The following CRMP1 variants were observed in gnomAD, a reference collection of about 807,000 sequenced individuals.
CRMP1 encodes the protein dihydropyrimidinase-related protein 1.
A neutral mutation model predicts 68.3 loss-of-function variants in CRMP1; 19 were observed. The observed-to-expected ratio is 0.28, with a 90% CI of 0.19 to 0.41. The LOEUF (loss-of-function observed/expected upper bound fraction) is 0.41, where lower values mean the gene tolerates loss of function less well. CRMP1 is among the 10% of genes least tolerant of loss of function. The pLI is 1.00. For synonymous variants in CRMP1, 439 were observed against 399.6 expected (o/e 1.10, Z -1.18); for missense variants, 791 against 967.4 (o/e 0.82, Z 2.42).
chr4:5,889,897 C>G lies in CRMP1; in HGVS notation c.381+2692G>C. 1 of 1,410,506 alleles carries G rather than the reference C, an allele frequency of 7.1e-7. No homozygotes were observed. Among genetic ancestry groups the G allele is most frequent in the Non-Finnish European group, 9.2e-7 (1 of 1,084,058 alleles). 87.4% of individuals were successfully genotyped at this position (1,410,506 alleles called of 1,614,324 possible). A position where few individuals can be genotyped will look rare whatever the true frequency, so the allele number is the denominator to read the frequency against. ...TCACAGAGAAGCCAGCTCAGTATCC[C>G]AGGAACACTAGGCATAATTTTCCCA... On this transcript the variant is annotated intron_variant, in intron 1 of 13. Transcript: ENST00000324989. This position sits in a 1 kb window ranked among gnomAD's most constrained non-coding sequence, Gnocchi z 4.5.
intron 6 of CRMP1, among the ~76,000 whole-genome samples, chr4:5,848,318 A>C (rs1712374015): frequency 6.6e-6 from 1 of 152,096 alleles, no homozygotes; most frequent in African/African-American, 2.4e-5. Context: ...TCCCACCTGT[A>C]ATAGCTGGGA....
In CRMP1 at chr4:5,858,837, T is replaced by C. The variant is rs1242246545; in HGVS notation, c.655+2189A>G. Reference sequence around the variant, plus strand: ...TGTCATCCCTCAATCTCGACACCCCTGCACCGTGGGCCTCCCTGCAGTCTC... The same window carrying C: ...TGTCATCCCTCAATCTCGACACCCCCGCACCGTGGGCCTCCCTGCAGTCTC... On this transcript the variant is annotated intron_variant, in intron 3 of 13. Coordinates refer to ENST00000324989, the MANE Select transcript of CRMP1 (RefSeq NM_001014809.3). The surrounding 1 kb of genome is among the most constrained non-coding windows in gnomAD (Gnocchi z 5.5). 6.6e-6 allele frequency among the ~76,000 whole-genome samples: 1 copy of C among 152,154 alleles called. No homozygotes were observed. The highest frequency in any genetic ancestry group is 2.4e-5 in the African/African-American group (1 of 41,440).
intron 1 of CRMP1, among the ~76,000 whole-genome samples, chr4:5,868,261 C>CTATATATATATATATATATATATATA (rs60816757): frequency 1.8e-5 from 2 of 111,472 alleles, no homozygotes; most frequent in African/African-American, 3.4e-5. Context: ...GACTATATAT[C>CTATATATATATATATATATATATATA]TATATATATA....
At chr4:5,856,857 C>CCCA (rs141019535) in intron 3 of CRMP1, among the ~76,000 whole-genome samples, 78,822 of 129,324 alleles carry the variant, frequency 0.61, 23,682 homozygotes, top group East Asian at 0.81. Context: ...TCATTGTCAC[C>CCCA]CCACCATCAT....
rs915837848 is a variant in CRMP1, at chr4:5,888,728, G to C, written c.381+3861C>G. ...CGCGATCCAGAGAGTATGGTTTTCA[G>C]GGCTCCTTTAAAAGAAAAAGACGGC... On this transcript the variant is annotated intron_variant, in intron 1 of 13. Coordinates refer to ENST00000324989, the MANE Select transcript of CRMP1 (RefSeq NM_001014809.3). This position sits in a 1 kb window ranked among gnomAD's most constrained non-coding sequence, Gnocchi z 6.4. 27 of 711,214 alleles carry C rather than the reference G, an allele frequency of 3.8e-5. No homozygotes were observed. Among genetic ancestry groups the C allele is most frequent in the Admixed American group, 1.9e-4 (3 of 15,760 alleles). The allele number at this position is 711,214 out of a possible 1,614,324, so 44.1% of individuals were successfully genotyped here.
Position 5,861,753 on chromosome 4 carries a change from G to A in CRMP1, c.471-543C>T, listed in dbSNP as rs1713576619. ...CAGGAGGTCCCTCAAGGCGCTGGGG[G>A]AAGAGGCTCAGCCAGAACCAGGAAA... On this transcript the variant is annotated intron_variant, in intron 2 of 13. Coordinates refer to ENST00000324989, the MANE Select transcript of CRMP1 (RefSeq NM_001014809.3). This position sits in a 1 kb window ranked among gnomAD's most constrained non-coding sequence, Gnocchi z 6.0. Among the ~76,000 whole-genome samples the A allele has an allele frequency of 6.6e-6, 1 of 152,150 alleles. No homozygotes were observed. The highest frequency in any genetic ancestry group is 2.1e-4 in the South Asian group (1 of 4,830).
At position 5,858,762 on chromosome 4, in the gene CRMP1, G is replaced by T. The variant is rs1311626976; in HGVS notation, c.655+2264C>A. ...ATGAGAAAGAGCCACAGCCTCATCA[G>T]GCCATCGAGGCCCAGGGTTGTCCTC... On this transcript the variant is annotated intron_variant, in intron 3 of 13. Transcript: ENST00000324989. This position sits in a 1 kb window ranked among gnomAD's most constrained non-coding sequence, Gnocchi z 5.5. 6.6e-6 allele frequency among the ~76,000 whole-genome samples: 1 copy of T among 152,112 alleles called. No individual in the cohort carries two copies. Among genetic ancestry groups the T allele is most frequent in the Non-Finnish European group, 1.5e-5 (1 of 68,018 alleles).
rs955135218 is a variant in CRMP1 at position 5,865,669 on chromosome 4, G to A, written c.470+999C>T. Among the ~76,000 whole-genome samples the A allele has an allele frequency of 2.0e-5, 3 of 151,516 alleles. No homozygotes were observed. Among genetic ancestry groups the A allele is most frequent in the Admixed American group, 6.6e-5 (1 of 15,220 alleles). On this transcript the variant is annotated intron_variant, in intron 2 of 13. Transcript: ENST00000324989. This position sits in a 1 kb window ranked among gnomAD's most constrained non-coding sequence, Gnocchi z 4.1. Reference sequence around the variant, plus strand: ...CGCCGCCTACAGACCCCTGCCTGGCGTTATGGACTGAATTGTATCTCCCAA... The same window carrying A: ...CGCCGCCTACAGACCCCTGCCTGGCATTATGGACTGAATTGTATCTCCCAA...
At position 5,825,286 on chromosome 4, in the gene CRMP1, GC is replaced by G; in HGVS notation, c.1969+207del. On this transcript the variant is annotated intron_variant, in intron 13 of 13. Transcript: ENST00000324989. This position sits in a 1 kb window ranked among gnomAD's most constrained non-coding sequence, Gnocchi z 4.4. ...AACCCACATCAGGTACCACCATGTT[GC>G]CCCCCTAACATGGACCCCCCTCTGC... The G allele has an allele frequency of 1.0e-6, 1 of 985,172 alleles. No homozygotes were observed. Among genetic ancestry groups the G allele is most frequent in the Non-Finnish European group, 1.2e-6 (1 of 829,896 alleles). 61.0% of individuals were successfully genotyped at this position (985,172 alleles called of 1,614,324 possible). A position where few individuals can be genotyped will look rare whatever the true frequency, so the allele number is the denominator to read the frequency against.
chr4:5,849,697 G>C (rs1712479864), intron 5 of CRMP1, among the ~76,000 whole-genome samples: 1 of 152,102 alleles, frequency 6.6e-6, no homozygotes, highest in South Asian at 2.1e-4. Context: ...GCTGAGGATG[G>C]GGCACAACTG....
intron 11 of CRMP1, among the ~76,000 whole-genome samples, chr4:5,831,614 G>C (rs1720387017): frequency 6.6e-6 from 1 of 152,202 alleles, no homozygotes; most frequent in Non-Finnish European, 1.5e-5. Context: ...TCTCCCAGCT[G>C]AAACTGGCCA....
rs182169006 is a variant in CRMP1, at chr4:5,861,764, G to C, written c.471-554C>G. 5.6e-3 allele frequency among the ~76,000 whole-genome samples: 856 copies of C among 152,284 alleles called. 5 individuals carry two copies. Among genetic ancestry groups the C allele is most frequent in the Middle Eastern group, 0.044 (13 of 294 alleles). ...TCAAGGCGCTGGGGGAAGAGGCTCA[G>C]CCAGAACCAGGAAAGGAACCCTGCA... On this transcript the variant is annotated intron_variant, in intron 2 of 13. Coordinates refer to ENST00000324989, the MANE Select transcript of CRMP1 (RefSeq NM_001014809.3). This position sits in a 1 kb window ranked among gnomAD's most constrained non-coding sequence, Gnocchi z 6.0.
At chr4:5,886,706 G>T (rs545503242) in intron 1 of CRMP1, among the ~76,000 whole-genome samples, 1 of 152,316 alleles carries the variant, frequency 6.6e-6, no homozygotes, top group South Asian at 2.1e-4. Flanking sequence ...GCATCACCCC[G>T]ACCCCATCAC....
In CRMP1 at chr4:5,838,363, G is replaced by A. The variant is rs1720867952; in HGVS notation, c.1310+1159C>T. 6.6e-6 allele frequency among the ~76,000 whole-genome samples: 1 copy of A among 152,074 alleles called. No homozygotes were observed. The highest frequency in any genetic ancestry group is 1.5e-5 in the Non-Finnish European group (1 of 68,022). The stretch of plus-strand genomic sequence containing the variant: ...TGTTGCAGGGACTTGGGTTTCACTG[G>A]CAGAGGACTTACTGGTTCCAAGCAG... On this transcript the variant is annotated intron_variant, in intron 9 of 13. Transcript: ENST00000324989. The surrounding 1 kb of genome is among the most constrained non-coding windows in gnomAD (Gnocchi z 4.9).
In CRMP1 at chr4:5,888,676, G is replaced by A; in HGVS notation, c.381+3913C>T. ...CCGCCGACCCCCGCCCTGCGCACAC[G>A]CCCTTGGCGGGCCCTGGCCTCGCTC... On this transcript the variant is annotated intron_variant, in intron 1 of 13. Transcript: ENST00000324989. This position sits in a 1 kb window ranked among gnomAD's most constrained non-coding sequence, Gnocchi z 6.4. 1 of 895,678 alleles carries A rather than the reference G, an allele frequency of 1.1e-6. No homozygotes were observed. Among genetic ancestry groups the A allele is most frequent in the Non-Finnish European group, 1.3e-6 (1 of 778,274 alleles). The allele number at this position is 895,678 out of a possible 1,614,324, so 55.5% of individuals were successfully genotyped here. A position where few individuals can be genotyped will look rare whatever the true frequency, so the allele number is the denominator to read the frequency against.
Position 5,866,158 on chromosome 4 carries a change from A to G in CRMP1, c.470+510T>C, listed in dbSNP as rs1713983532. 6.6e-6 allele frequency among the ~76,000 whole-genome samples: 1 copy of G among 152,214 alleles called. No individual in the cohort carries two copies. The highest frequency in any genetic ancestry group is 6.5e-5 in the Admixed American group (1 of 15,280). On this transcript the variant is annotated intron_variant, in intron 2 of 13. Transcript: ENST00000324989. The surrounding 1 kb of genome is among the most constrained non-coding windows in gnomAD (Gnocchi z 5.9). ...ATGAGAAGAAAGGGAAGGAAACTCC[A>G]GCCCCAATGTCTATCTTTTCTTTAA...
intron 3 of CRMP1, 121 bp from the exon 4 acceptor site, chr4:5,856,428 T>TCACC: frequency 1.1e-6 from 1 of 885,124 alleles, no homozygotes; most frequent in South Asian, 1.7e-5. Context: ...ATCATCACCA[T>TCACC]AATTATCACA....
chr4:5,879,872 CGAAAG>C lies in CRMP1; in HGVS notation c.381+12712_381+12716del, dbSNP rs377713877. On this transcript the variant is annotated intron_variant, in intron 1 of 13. Coordinates refer to ENST00000324989, the MANE Select transcript of CRMP1 (RefSeq NM_001014809.3). This position sits in a 1 kb window ranked among gnomAD's most constrained non-coding sequence, Gnocchi z 4.2. ...AAATATAGCAAAAAAAAAAATGAGACGAAAGGAAAGGAAAATGAAAGAAAGTAAAG... is the reference window on the plus strand; with the variant it reads ...AAATATAGCAAAAAAAAAAATGAGACGAAAGGAAAATGAAAGAAAGTAAAG... Among the ~76,000 whole-genome samples, 490 of 150,290 alleles carry C rather than the reference CGAAAG, an allele frequency of 3.3e-3. 1 individual carries two copies. The highest frequency in any genetic ancestry group is 0.011 in the African/African-American group (457 of 40,828).
At position 5,834,194 on chromosome 4, in the gene CRMP1, C is replaced by T. The variant is rs1560489368; in HGVS notation, c.1623+1721G>A. 6.6e-6 allele frequency among the ~76,000 whole-genome samples: 1 copy of T among 152,220 alleles called. No homozygotes were observed. On this transcript the variant is annotated intron_variant, in intron 11 of 13. Transcript: ENST00000324989. This position sits in a 1 kb window ranked among gnomAD's most constrained non-coding sequence, Gnocchi z 4.3. The stretch of plus-strand genomic sequence containing the variant: ...GTGAAGCAAGGGGCAGCTCCCACAG[C>T]CAGATGGCGGTAGGAGTGCACACCC...
Sources: allele counts gnomAD v4.1 joint callset (sites outside exome capture counted in the v4.1 genomes callset), GRCh38; gene constraint gnomAD v4.1.1; non-coding constraint Gnocchi (gnomAD v3.1); transcripts MANE v1.5; gene names NCBI Gene and HGNC (gene_info 2026-07-23, HGNC 2026-07-21).